The following ADCY10 variants were observed in gnomAD, a reference collection of about 807,000 sequenced individuals.
ADCY10 encodes the protein adenylate cyclase type 10.
Under a neutral mutation model 183.3 loss-of-function variants are expected in ADCY10, and 156 were observed. The observed-to-expected ratio is 0.85, with a 90% CI of 0.75 to 0.97. ADCY10 has a LOEUF of 0.97. ADCY10 is among the 50% of genes least tolerant of loss of function. The probability of loss-of-function intolerance (pLI) is 0.00; values close to 1 mark genes in which losing one functional copy is unlikely to be tolerated. For synonymous variants in ADCY10, 645 were observed against 670.0 expected (o/e 0.96, Z 0.58); for missense variants, 1,745 against 1,934.3 (o/e 0.90, Z 1.84).
At chr1:167,833,850 G>T in intron 24 of ADCY10, 120 bp downstream of exon 24, 1 of 796,944 alleles carries the variant, frequency 1.3e-6, no homozygotes, top group Non-Finnish European at 2.1e-6. Context: ...CTAGAGTCTT[G>T]GCTAGAAGTC....
intron 18 of ADCY10, among the ~76,000 whole-genome samples, chr1:167,851,543 T>C (rs1344930686): frequency 2.6e-5 from 4 of 152,034 alleles, no homozygotes; most frequent in African/African-American, 2.4e-5. Flanking sequence ...TTAACATTGG[T>C]CGGGCACAGT....
chr1:167,895,907 T>G (rs539761197), intron 7 of ADCY10, among the ~76,000 whole-genome samples: 6 of 152,270 alleles, frequency 3.9e-5, no homozygotes, highest in East Asian at 1.9e-4. Context: ...GAAAGGAAAC[T>G]AAGCAAAGAG....
At chr1:167,823,325 T>C (rs1663043173) in intron 28 of ADCY10, among the ~76,000 whole-genome samples, 2 of 148,156 alleles carry the variant, frequency 1.3e-5, no homozygotes, top group African/African-American at 5.0e-5. Context: ...CTTGGGAGGC[T>C]GAGGCAGGAG....
intron 12 of ADCY10, 145 bp from the exon 13 acceptor site, chr1:167,875,331 AAAG>A: frequency 1.3e-6 from 1 of 768,704 alleles, no homozygotes. Context: ...GCAAACGCCA[AAAG>A]AAGGAGAAAC....
In ADCY10 at chr1:167,860,962, T is replaced by C. The variant is rs371575651; in HGVS notation, c.1718A>G (p.Tyr573Cys). 1.2e-6 allele frequency: 2 copies of C among 1,614,174 alleles called. No homozygotes were observed. Among genetic ancestry groups the C allele is most frequent in the Middle Eastern group, 1.6e-4 (1 of 6,062 alleles). Residue 573 changes from tyrosine to cysteine, a missense_variant, in exon 15 of 33, where the codon TAT (tyrosine) becomes TGT (cysteine). By Grantham distance (194) the Tyr-to-Cys change is radical. Transcript: ENST00000367851. ...TCGAAGGTTGGTCTGTCGTTCTTTA[T>C]AATGTTTACAAGTGTCTAGGCCTAG... ...NVLGLDTCKH[Y>C]KERQTNLRNK... is the part of the protein sequence containing the mutation.
rs377125640 is a variant in ADCY10, at chr1:167,837,270, G to A, written c.3056C>T (p.Ala1019Val). Residue 1019 changes from alanine (A) to valine (V), a missense_variant, in exon 22 of 33, where the codon GCA (alanine) becomes GTA (valine). Ala to Val is a moderately conservative substitution (Grantham distance 64). Coordinates refer to ENST00000367851, the MANE Select transcript of ADCY10 (RefSeq NM_018417.6). The stretch of plus-strand genomic sequence containing the variant: ...CTACCTGCGATTTTCAGGAAAAAAT[G>A]CAGATGTCTCAGGAATCTCTGAGTT... ...LSNSEIPETSAFFPENRSPEE... is the reference protein window; with the variant it reads ...LSNSEIPETSVFFPENRSPEE... 16 of 1,613,978 alleles carry A rather than the reference G, an allele frequency of 9.9e-6. No individual in the cohort carries two copies. Among genetic ancestry groups the A allele is most frequent in the Middle Eastern group, 3.3e-4 (2 of 6,062 alleles).
rs148621451 is a variant in ADCY10, at chr1:167,900,653, C to T, written c.436+1009G>A. The stretch of plus-strand genomic sequence containing the variant: ...GTTCAAGCAATTCTCCTGCCTCAGC[C>T]TCCCAAGTAGCTGAGATTACAGGCA... On this transcript the variant is annotated intron_variant, in intron 5 of 32. Transcript: ENST00000367851. Among the ~76,000 whole-genome samples, 917 of 152,248 alleles carry T rather than the reference C, an allele frequency of 6.0e-3. 11 individuals carry two copies. The highest frequency in any genetic ancestry group is 0.021 in the African/African-American group (878 of 41,526).
chr1:167,892,813 A>G (rs1668689146), intron 8 of ADCY10, among the ~76,000 whole-genome samples: 1 of 152,224 alleles, frequency 6.6e-6, no homozygotes, highest in Non-Finnish European at 1.5e-5. Flanking sequence ...GTATTAAAGC[A>G]GGCATATATT....
intron 8 of ADCY10, among the ~76,000 whole-genome samples, chr1:167,884,739 T>C (rs1350047167): frequency 2.7e-5 from 4 of 146,464 alleles, no homozygotes; most frequent in Non-Finnish European, 1.5e-5. Flanking sequence ...GCTCTGTTGC[T>C]CAGGCTGGAG....
At chr1:167,845,188 A>G (rs1664914782) in intron 21 of ADCY10, among the ~76,000 whole-genome samples, 1 of 152,224 alleles carries the variant, frequency 6.6e-6, no homozygotes, top group Admixed American at 6.5e-5. Context: ...CTAGACCAAC[A>G]AAGCAATAAT....
intron 9 of ADCY10, among the ~76,000 whole-genome samples, chr1:167,882,589 T>C (rs1048304793): frequency 6.6e-6 from 1 of 151,470 alleles, no homozygotes; most frequent in East Asian, 1.9e-4. Flanking sequence ...GGTGTTGACA[T>C]GGCAAGTGGG....
intron 2 of ADCY10, 32 bp downstream of exon 2, chr1:167,904,961 C>T (rs1669713562): frequency 6.2e-7 from 1 of 1,614,034 alleles, no homozygotes; most frequent in Admixed American, 1.7e-5. Context: ...TGTTGCTCAT[C>T]CACATTAAAC....
intron 26 of ADCY10, among the ~76,000 whole-genome samples, chr1:167,826,620 A>G (rs951258176): frequency 2.2e-4 from 34 of 152,354 alleles, no homozygotes; most frequent in Admixed American, 1.9e-3. Context: ...ATTTCAGTCC[A>G]TATAAATTTC....
intron 10 of ADCY10, 140 bp from the exon 11 acceptor site, chr1:167,880,331 A>G: frequency 1.0e-6 from 1 of 978,006 alleles, no homozygotes; most frequent in Non-Finnish European, 1.6e-6. Context: ...AGTTTATGGC[A>G]TTTCTACATG....
intron 11 of ADCY10, among the ~76,000 whole-genome samples, chr1:167,879,606 ATAAC>A (rs1446805465): frequency 1.3e-5 from 2 of 152,152 alleles, no homozygotes; most frequent in Non-Finnish European, 2.9e-5. Context: ...CATTTCAGAC[ATAAC>A]TATCGTGGTA....
intron 11 of ADCY10, among the ~76,000 whole-genome samples, chr1:167,879,119 G>A (rs145713997): frequency 4.4e-4 from 67 of 152,330 alleles, no homozygotes; most frequent in African/African-American, 1.5e-3. Flanking sequence ...ATGGAGGATT[G>A]AAGCACAGGC....
chr1:167,865,610 G>A (rs142992504), intron 14 of ADCY10, among the ~76,000 whole-genome samples: 2,891 of 152,254 alleles, frequency 0.019, 43 homozygotes, highest in East Asian at 0.042. Flanking sequence ...ATGGTGTTTA[G>A]CTTTCTTTGG....
chr1:167,856,808 T>C (rs1665940697), intron 16 of ADCY10, among the ~76,000 whole-genome samples: 1 of 152,216 alleles, frequency 6.6e-6, no homozygotes, highest in Non-Finnish European at 1.5e-5. Flanking sequence ...AACAATACAG[T>C]TGTCCTGGGG....
chr1:167,904,263 T>C (rs1370632209), intron 2 of ADCY10, among the ~76,000 whole-genome samples: 2 of 152,034 alleles, frequency 1.3e-5, no homozygotes, highest in African/African-American at 4.8e-5. Flanking sequence ...CGTTTTTGTA[T>C]TTTTAGTACA....
Sources: allele counts gnomAD v4.1 joint callset (sites outside exome capture counted in the v4.1 genomes callset), GRCh38; gene constraint gnomAD v4.1.1; transcripts MANE v1.5; gene names NCBI Gene and HGNC (gene_info 2026-07-23, HGNC 2026-07-21).